CYP2A6: variants seen among roughly 807,000 people sequenced by gnomAD.
CYP2A6 encodes the protein cytochrome P450 2A6.
In CYP2A6, 27 loss-of-function variants were observed where a neutral mutation model predicts 42.3. The ratio of observed to expected loss-of-function variants is 0.64; its 90% CI spans 0.47 to 0.88. The LOEUF (loss-of-function observed/expected upper bound fraction) is 0.88, where lower values mean the gene tolerates loss of function less well. Ranked by LOEUF, CYP2A6 falls within the 40% of genes least tolerant of loss-of-function variation. The pLI, the probability that CYP2A6 is intolerant of heterozygous loss-of-function variation, is 0.00. For missense variants in CYP2A6, 628 were observed against 646.0 expected (o/e 0.97, Z 0.30); for synonymous variants, 238 against 246.3 (o/e 0.97, Z 0.31).
Position 40,848,284 on chromosome 19 carries a change from CTT to C in CYP2A6, c.587_588del (p.Lys196ArgfsTer25), listed in dbSNP as rs568811809. The C allele has an allele frequency of 6.1e-4, 986 of 1,611,904 alleles. 28 individuals are homozygous for C. In the African/African-American group the frequency reaches 0.012, roughly 20 times the overall value. ...ATCATGCGCAACAGTGACAGGAACT[CTT>C]TGTCCTTATAGTCAAAGCGGTCCCC... The part of the protein sequence containing the change: ...VFGDRFDYKD[K>X]EFLSLLRMML... On this transcript the variant is annotated frameshift_variant, in exon 4 of 9. Coordinates refer to ENST00000301141, the MANE Select transcript of CYP2A6 (RefSeq NM_000762.6). LOFTEE classifies it high-confidence loss of function.
chr19:40,846,798 C>G, intron 5 of CYP2A6, 77 bp downstream of exon 5: 1 of 1,569,254 alleles, frequency 6.4e-7, no homozygotes, highest in Non-Finnish European at 8.7e-7. Context: ...GGGCCTGTGT[C>G]ATCTGCCTGC....
rs948874490 is a variant in CYP2A6, at chr19:40,849,935, G to A, written c.226C>T (p.Arg76Trp). The part of the protein sequence containing the change: ...GPVFTIHLGP[R>W]RVVVLCGHDA... ...TGTCCACACAGCACCACGACCCGCC[G>A]GGGCCCCAAGTGAATGGTGAACACG... is the stretch of plus-strand genomic sequence containing the variant. Residue 76 changes from arginine to tryptophan, a missense_variant, in exon 2 of 9, where the codon CGG (arginine) becomes TGG (tryptophan). Physicochemically the swap from Arg to Trp is moderately radical, Grantham distance 101. This residue lies in a region of CYP2A6 where 606 missense variants were observed against 568.1 expected (regional missense o/e 1.07). Transcript: ENST00000301141. 11 of 1,611,232 alleles carry A rather than the reference G, an allele frequency of 6.8e-6. No individual in the cohort carries two copies. Among genetic ancestry groups the A allele is most frequent in the East Asian group, 4.6e-5 (2 of 43,406 alleles).
intron 4 of CYP2A6, 88 bp from the exon 5 acceptor site, chr19:40,847,139 A>G: frequency 5.2e-6 from 8 of 1,531,526 alleles, no homozygotes; most frequent in African/African-American, 1.4e-5. Context: ...ATAGCAAGGA[A>G]GGAACTGAGT....
At position 40,850,110 on chromosome 19, in the gene CYP2A6, T is replaced by TC. The variant is rs956008259; in HGVS notation, c.181-131dup. The TC allele has an allele frequency of 1.3e-4, 203 of 1,528,896 alleles. 5 individuals are homozygous for TC. The highest frequency in any genetic ancestry group is 1.1e-3 in the South Asian group (89 of 78,918). 94.7% of individuals were successfully genotyped at this position (1,528,896 alleles called of 1,614,324 possible). A position where few individuals can be genotyped will look rare whatever the true frequency, so the allele number is the denominator to read the frequency against. Reference sequence around the variant, plus strand: ...AGTCAGGGAGCTGGACATCCCAAGATCCTGTCTTTCTGATGCTGAAACTCC... The same window carrying TC: ...AGTCAGGGAGCTGGACATCCCAAGATCCCTGTCTTTCTGATGCTGAAACTCC... On this transcript the variant is annotated intron_variant, in intron 1 of 8. Transcript: ENST00000301141.
rs553913513 is a variant in CYP2A6, at chr19:40,844,799, G to A, written c.1162-27C>T. Reference sequence around the variant, plus strand: ...TGGTAGGGAGGAGGAAGTTGTGTGTGATGAGGAGGGTCGGGGGATTGGTGA... The same window carrying A: ...TGGTAGGGAGGAGGAAGTTGTGTGTAATGAGGAGGGTCGGGGGATTGGTGA... On this transcript the variant is annotated intron_variant, in intron 7 of 8. Transcript: ENST00000301141. 374 of 1,600,396 alleles carry A rather than the reference G, an allele frequency of 2.3e-4. 40 individuals are homozygous for A. In the East Asian group the frequency reaches 7.5e-3, roughly 32 times the overall value.
In CYP2A6 at chr19:40,848,389, T is replaced by A; in HGVS notation, c.494-10A>T. The A allele has an allele frequency of 1.2e-6, 2 of 1,611,700 alleles. No individual in the cohort carries two copies. The highest frequency in any genetic ancestry group is 1.7e-6 in the Non-Finnish European group (2 of 1,179,870). ...GGATCGATATTGGCGCCTGCGGGTA[T>A]GGCGGGAGAAGGGGGTTGGGGAGAG... On this transcript the variant is annotated splice_polypyrimidine_tract_variant and intron_variant, in intron 3 of 8. Transcript: ENST00000301141.
Position 40,844,640 on chromosome 19 carries a change from A to G in CYP2A6, c.1294T>C (p.Phe432Leu). Reference sequence around the variant, plus strand: ...AACAGTGGTCTCTTACCGATGGAAAAGGGCACAAAAGCATCACTCTTCTTA... The same window carrying G: ...AACAGTGGTCTCTTACCGATGGAAAGGGGCACAAAAGCATCACTCTTCTTA... The part of the protein sequence containing the change: ...QFKKSDAFVP[F>L]SIGKRNCFGE... The change falls in exon 8 of 9, where the codon TTT becomes CTT. Residue 432 changes from phenylalanine (F) to leucine (L), a missense_variant. By Grantham distance (22) the Phe-to-Leu change is conservative. Transcript: ENST00000301141. 6.2e-7 allele frequency: 1 copy of G among 1,611,500 alleles called. No homozygotes were observed. Among genetic ancestry groups the G allele is most frequent in the Non-Finnish European group, 8.5e-7 (1 of 1,179,808 alleles).
chr19:40,848,700 C>T lies in CYP2A6; in HGVS notation c.407G>A (p.Arg136Gln). The change falls in exon 3 of 9, where the codon CGG becomes CAG. Residue 136 changes from arginine to glutamine, a missense_variant. Arg to Gln is a conservative substitution (Grantham distance 43). Coordinates refer to ENST00000301141, the MANE Select transcript of CYP2A6 (RefSeq NM_000762.6). ...QLRRFSIATL[R>Q]DFGVGKRGIE... ...GCCTCGCTTGCCCACCCCGAAGTCC[C>T]GCAGGGTGGCGATGGAGAAGCGCCG... 6.2e-7 allele frequency: 1 copy of T among 1,611,946 alleles called. No individual in the cohort carries two copies.
intron 4 of CYP2A6, among the ~76,000 whole-genome samples, chr19:40,847,637 T>C (rs964480416): frequency 2.6e-5 from 4 of 151,600 alleles, no homozygotes; most frequent in African/African-American, 9.7e-5. Context: ...TGGGGAACAC[T>C]TATTTGTGTG....
At chr19:40,849,055 A>AGAGAGAGG (rs1967171565) in intron 2 of CYP2A6, among the ~76,000 whole-genome samples, 2 of 123,780 alleles carry the variant, frequency 1.6e-5, no homozygotes, top group Non-Finnish European at 3.6e-5. Context: ...GGAGAGAGAG[A>AGAGAGAGG]GAGAGAGAGA....
rs2083442806 is a variant in CYP2A6 at position 40,843,889 on chromosome 19, G to A, written c.1392C>T (p.Ser464=). 2 of 1,612,408 alleles carry A rather than the reference G, an allele frequency of 1.2e-6. No homozygotes were observed. Among genetic ancestry groups the A allele is most frequent in the Non-Finnish European group, 8.5e-7 (1 of 1,179,780 alleles). Residue 464 remains serine (S), a synonymous_variant, in exon 9 of 9, where the codon TCC becomes TCT. Transcript: ENST00000301141. The part of the protein sequence containing the change: ...TTVMQNFRLK[S]SQSPKDIDVS... Reference sequence around the variant, plus strand: ...CGTCAATGTCCTTAGGTGACTGGGAGGACTTGAGGCGGAAGTTCTGCATGA... The same window carrying A: ...CGTCAATGTCCTTAGGTGACTGGGAAGACTTGAGGCGGAAGTTCTGCATGA...
intron 1 of CYP2A6, 90 bp from the exon 2 acceptor site, chr19:40,850,070 C>T: frequency 1.3e-6 from 2 of 1,559,292 alleles, no homozygotes; most frequent in South Asian, 1.2e-5. Context: ...GGATGCTTCG[C>T]ACCCAGGTTC....
chr19:40,847,945 G>A (rs1967128305), intron 4 of CYP2A6, among the ~76,000 whole-genome samples: 1 of 151,814 alleles, frequency 6.6e-6, no homozygotes, highest in African/African-American at 2.4e-5. Flanking sequence ...ATGGGAACAC[G>A]TGCCCAGGTG....
chr19:40,846,244 G>C, intron 5 of CYP2A6, 147 bp from the exon 6 acceptor site: 1 of 1,156,128 alleles, frequency 8.6e-7, no homozygotes, highest in Non-Finnish European at 1.2e-6. Flanking sequence ...CTAGGTTCCA[G>C]CCCTTGCCCT....
At chr19:40,844,575 G>A (rs2083445805) in intron 8 of CYP2A6, 56 bp downstream of exon 8, 2 of 1,610,212 alleles carry the variant, frequency 1.2e-6, no homozygotes, top group African/African-American at 1.3e-5. Flanking sequence ...GGAGGAGGGT[G>A]AGGGAGGCCC....
intron 5 of CYP2A6, among the ~76,000 whole-genome samples, chr19:40,846,485 C>A (rs1967101738): frequency 6.6e-6 from 1 of 151,366 alleles, no homozygotes; most frequent in Admixed American, 6.6e-5. Context: ...CATGCAGGCT[C>A]ACTTACTTTT....
In CYP2A6 at chr19:40,843,576, A is replaced by G. The variant is rs886499700; in HGVS notation, c.*220T>C. On this transcript the variant is annotated 3_prime_UTR_variant, in exon 9 of 9. Coordinates refer to ENST00000301141, the MANE Select transcript of CYP2A6 (RefSeq NM_000762.6). The stretch of plus-strand genomic sequence containing the variant: ...AGAGCTGCTATTATTACTACTCTTC[A>G]TAGCATAATGTAAGGGTTTCCTTCC... 22 of 807,846 alleles carry G rather than the reference A, an allele frequency of 2.7e-5. No homozygotes were observed. The highest frequency in any genetic ancestry group is 6.2e-5 in the East Asian group (2 of 32,054). The allele number at this position is 807,846 out of a possible 1,614,324, so 50.0% of individuals were successfully genotyped here.
rs542814609 is a variant in CYP2A6 at position 40,847,240 on chromosome 19, C to T, written c.655-189G>A. On this transcript the variant is annotated intron_variant, in intron 4 of 8. Coordinates refer to ENST00000301141, the MANE Select transcript of CYP2A6 (RefSeq NM_000762.6). Reference sequence around the variant, plus strand: ...TCAGGAAGGTTAGGTACCAGGGCCACGGTCTAGTAATTTAGGTGAGAAGAA... The same window carrying T: ...TCAGGAAGGTTAGGTACCAGGGCCATGGTCTAGTAATTTAGGTGAGAAGAA... 1.1e-4 allele frequency among the ~76,000 whole-genome samples: 17 copies of T among 151,558 alleles called. 1 individual carries two copies. The South Asian group carries it at 1.9e-3, about 17-fold the overall frequency.
intron 1 of CYP2A6, 104 bp downstream of exon 1, chr19:40,850,143 C>A: frequency 6.5e-7 from 1 of 1,533,924 alleles, no homozygotes; most frequent in African/African-American, 1.4e-5. Flanking sequence ...TCCAAAACTC[C>A]ATTTCCTAAG....
Sources: gnomAD v4.1 joint callset for allele counts (sites outside exome capture counted in the v4.1 genomes callset) on GRCh38, gnomAD v4.1.1 for gene constraint, gnomAD v4.1.1 regional missense constraint, MANE v1.5 for transcripts, NCBI Gene and HGNC (gene_info 2026-07-23, HGNC 2026-07-21) for gene names.